The following LRRK2 variants were observed in gnomAD, a reference collection of about 807,000 sequenced individuals.
LRRK2 encodes the protein leucine rich repeat kinase 2, also known as leucine-rich repeat serine/threonine-protein kinase 2.
Under a neutral mutation model 302.6 loss-of-function variants are expected in LRRK2, and 203 were observed. The ratio of observed to expected loss-of-function variants is 0.67; its 90% CI spans 0.60 to 0.75. The LOEUF is 0.75. Among genes scored for constraint, LRRK2 ranks in the 30% least tolerant of loss-of-function variants. The pLI is 0.00. For synonymous variants in LRRK2, 1,066 were observed against 1,031.9 expected, an observed-to-expected ratio of 1.03 and a Z score of -0.63; for missense variants, 2,830 against 2,951.0, an observed-to-expected ratio of 0.96 and a Z score of 0.95.
At chr12:40,358,662 C>T (rs1157136844) in intron 46 of LRRK2, among the ~76,000 whole-genome samples, 3 of 152,112 alleles carry the variant, frequency 2.0e-5, no homozygotes, top group Non-Finnish European at 2.9e-5. Context: ...TGTGATGCCT[C>T]CAGCTTTGTT....
chr12:40,322,757 C>T (rs973947946), intron 37 of LRRK2, among the ~76,000 whole-genome samples: 1 of 151,974 alleles, frequency 6.6e-6, no homozygotes, highest in Non-Finnish European at 1.5e-5. Context: ...ATCTGTGAAA[C>T]CGGAATACCA....
chr12:40,259,794 G>A (rs1419479499), intron 13 of LRRK2, among the ~76,000 whole-genome samples, 190 bp downstream of exon 13: 1 of 152,118 alleles, frequency 6.6e-6, no homozygotes, highest in Non-Finnish European at 1.5e-5. Context: ...TTATAAGAAA[G>A]CAATATGAAT....
intron 39 of LRRK2, among the ~76,000 whole-genome samples, chr12:40,329,112 T>G (rs1276417312): frequency 6.6e-6 from 1 of 152,210 alleles, no homozygotes; most frequent in Non-Finnish European, 1.5e-5. Flanking sequence ...AGCTTGCACC[T>G]CTCTTTTCTG....
chr12:40,271,056 TGTGAGCCACCGTGACCA>T (rs1273165748), intron 14 of LRRK2, among the ~76,000 whole-genome samples: 3 of 152,100 alleles, frequency 2.0e-5, no homozygotes, highest in Admixed American at 6.6e-5. Context: ...AGATTACAAA[TGTGAGCCACCGTGACCA>T]GCCTAAATAT....
intron 7 of LRRK2, 73 bp downstream of exon 7, chr12:40,243,754 A>G: frequency 7.5e-7 from 1 of 1,331,100 alleles, no homozygotes. Flanking sequence ...TATATGTTGC[A>G]TAATAATGGA....
In LRRK2 at chr12:40,351,634, T is replaced by A; in HGVS notation, c.6477T>A (p.His2159Gln). 3 of 1,614,188 alleles carry A rather than the reference T, an allele frequency of 1.9e-6. No homozygotes were observed. In the South Asian group the frequency reaches 3.3e-5, roughly 18 times the overall value. ...TTGTTGAATGCATGGTTGCTACACA[T>A]CACAACAGCAGGAATGCAAGCATTT... ...NVIVECMVAT[H>Q]HNSRNASIWL... is the part of the protein sequence containing the mutation. The change falls in exon 44 of 51, where the codon CAT (histidine) becomes CAA (glutamine). Residue 2159 changes from histidine (H) to glutamine (Q), a missense_variant. By Grantham distance (24) the His-to-Gln change is conservative (BLOSUM62 0). Coordinates refer to ENST00000298910, the MANE Select transcript of LRRK2 (RefSeq NM_198578.4).
Position 40,354,348 on chromosome 12 carries a change from T to G in LRRK2, c.6626T>G (p.Val2209Gly). ...ILCLALVHLP[V>G]EKESWIVSGT... ...TGCTTAGCCTTGGTGCATCTTCCTG[T>G]TGAAAAGGAAAGCTGGATTGTGTCT... The change falls in exon 45 of 51, where the codon GTT becomes GGT. Residue 2209 changes from valine (V) to glycine (G), a missense_variant. Around this residue, in one of 3 missense-constraint regions of LRRK2, gnomAD observed 456 missense variants for 456.3 expected, o/e 1.00. Transcript: ENST00000298910. 6.2e-7 allele frequency: 1 copy of G among 1,614,144 alleles called. No individual in the cohort carries two copies. The highest frequency in any genetic ancestry group is 8.5e-7 in the Non-Finnish European group (1 of 1,180,004).
chr12:40,262,549 G>A (rs769985215), intron 13 of LRRK2, among the ~76,000 whole-genome samples: 2 of 152,126 alleles, frequency 1.3e-5, no homozygotes, highest in Non-Finnish European at 2.9e-5. Flanking sequence ...ATCGGGAGAT[G>A]ATGAGATTAT....
chr12:40,233,919 C>A (rs1489017628), intron 3 of LRRK2, among the ~76,000 whole-genome samples: 1 of 152,166 alleles, frequency 6.6e-6, no homozygotes, highest in East Asian at 1.9e-4. Flanking sequence ...AGAAACCATG[C>A]AGTTGTGAAG....
At chr12:40,277,710 TGAGA>T (rs1483336256) in intron 16 of LRRK2, among the ~76,000 whole-genome samples, 174 bp from the exon 17 acceptor site, 1 of 152,198 alleles carries the variant, frequency 6.6e-6, no homozygotes, top group Non-Finnish European at 1.5e-5. Flanking sequence ...TTCTTAGTCA[TGAGA>T]GAGAGAGGGA....
At chr12:40,367,186 G>T in intron 50 of LRRK2, 109 bp downstream of exon 50, 1 of 933,142 alleles carries the variant, frequency 1.1e-6, no homozygotes, top group Non-Finnish European at 1.7e-6. Context: ...GTATAATCAG[G>T]AATTTTAATT....
At chr12:40,326,626 G>A (rs1945561187) in intron 38 of LRRK2, among the ~76,000 whole-genome samples, 1 of 152,030 alleles carries the variant, frequency 6.6e-6, no homozygotes, top group South Asian at 2.1e-4. Context: ...GGCAGAACAA[G>A]ATGCATCTAT....
chr12:40,265,010 C>T (rs918510467), intron 14 of LRRK2, among the ~76,000 whole-genome samples: 7 of 152,138 alleles, frequency 4.6e-5, no homozygotes, highest in Non-Finnish European at 5.9e-5. Flanking sequence ...ATTTGATATA[C>T]TTTGATGAAT....
chr12:40,250,014 G>A, intron 8 of LRRK2, 69 bp downstream of exon 8: 1 of 1,575,810 alleles, frequency 6.3e-7, no homozygotes, highest in Non-Finnish European at 8.7e-7. Context: ...ATTGTAACAA[G>A]AGAATCATAT....
At chr12:40,234,094 G>C (rs983697161) in intron 3 of LRRK2, among the ~76,000 whole-genome samples, 1 of 152,136 alleles carries the variant, frequency 6.6e-6, no homozygotes, top group South Asian at 2.1e-4. Context: ...TGTGGGAATG[G>C]TATAGGGAGA....
chr12:40,295,428 G>C lies in LRRK2; in HGVS notation c.2880G>C (p.Arg960Ser). 1 of 1,611,262 alleles carries C rather than the reference G, an allele frequency of 6.2e-7. No individual in the cohort carries two copies. The highest frequency in any genetic ancestry group is 8.5e-7 in the Non-Finnish European group (1 of 1,179,436). ...TTGTTTGTTTGTTTTTGACAAAAGG[G>C]TCATCAAAACTTCAATCCCATATGA... Reference protein sequence around the residue: ...RKILSSDDSLRSSKLQSHMRH... With the variant: ...RKILSSDDSLSSSKLQSHMRH... Residue 960 changes from arginine (R) to serine (S), a missense_variant and splice_region_variant, in exon 23 of 51, where the codon AGG becomes AGC. Arg to Ser is a moderately radical substitution (Grantham distance 110, BLOSUM62 -1). Transcript: ENST00000298910.
chr12:40,299,402 G>A, intron 25 of LRRK2, 145 bp downstream of exon 25: 1 of 907,250 alleles, frequency 1.1e-6, no homozygotes, highest in Non-Finnish European at 1.7e-6. Flanking sequence ...TTAGCAGGTT[G>A]GCAATAAAAC....
chr12:40,226,326 C>G (rs1487671825), intron 2 of LRRK2, among the ~76,000 whole-genome samples: 1 of 152,052 alleles, frequency 6.6e-6, no homozygotes, highest in Admixed American at 6.5e-5. Context: ...ACAGTCAAAA[C>G]AAAATTATAG....
At chr12:40,285,385 T>C (rs1380043404) in intron 19 of LRRK2, among the ~76,000 whole-genome samples, 1 of 152,154 alleles carries the variant, frequency 6.6e-6, no homozygotes, top group Non-Finnish European at 1.5e-5. Flanking sequence ...CATAGTAGAT[T>C]ATCATTTAGA....
Sources: allele counts gnomAD v4.1 joint callset (sites outside exome capture counted in the v4.1 genomes callset), GRCh38; gene constraint gnomAD v4.1.1; regional missense constraint gnomAD v4.1.1; transcripts MANE v1.5; gene names NCBI Gene and HGNC (gene_info 2026-07-23, HGNC 2026-07-21).